Variants in MAP3K15 observed in about 807,000 individuals in gnomAD.
The protein encoded by MAP3K15 is mitogen-activated protein kinase kinase kinase 15, also known as MAPK/ERK kinase kinase 15.
In MAP3K15, 124 loss-of-function variants were observed where a neutral mutation model predicts 99.5. The observed-to-expected ratio is 1.25, with a 90% confidence interval of 1.08 to 1.45. The LOEUF is 1.45. MAP3K15 is among the 40% of genes most tolerant of loss of function. The pLI is 0.00. For synonymous variants in MAP3K15, 494 were observed against 439.6 expected (o/e 1.12, Z -1.55); for missense variants, 1,242 against 1,079.7 (o/e 1.15, Z -2.11).
chrX:19,512,148 T>TCA (rs1250944016), intron 1 of MAP3K15, among the ~76,000 whole-genome samples: 3 of 110,156 alleles, frequency 2.7e-5, no homozygotes, highest in East Asian at 2.9e-4. Flanking sequence ...GAGGGGAACA[T>TCA]CACACACACA....
chrX:19,417,495 AG>A (rs1400824148), intron 9 of MAP3K15, among the ~76,000 whole-genome samples: 1 of 111,199 alleles, frequency 9.0e-6, no homozygotes, highest in Non-Finnish European at 1.9e-5. Context: ...AGGCTGGGGG[AG>A]GGGCGCCCAC....
chrX:19,364,509 C>T (rs913173467), intron 25 of MAP3K15, among the ~76,000 whole-genome samples: 2 of 111,544 alleles, frequency 1.8e-5, no homozygotes, highest in East Asian at 2.8e-4. Context: ...TTCCCCAAAG[C>T]GGGGCACAGA....
intron 1 of MAP3K15, among the ~76,000 whole-genome samples, chrX:19,499,092 G>A (rs953370433): frequency 8.9e-6 from 1 of 111,759 alleles, no homozygotes; most frequent in African/African-American, 3.3e-5. Flanking sequence ...TAAGATGACA[G>A]ACAACCCAAT....
At chrX:19,426,818 C>CAAAAAAACAAAAAAAAAAA (rs1233194486) in intron 7 of MAP3K15, among the ~76,000 whole-genome samples, 1 of 21,149 alleles carries the variant, frequency 4.7e-5, no homozygotes, top group African/African-American at 2.1e-4. Flanking sequence ...AATCTGTCTC[C>CAAAAAAACAAAAAAAAAAA]AAAAAAAAAA....
chrX:19,444,370 A>G (rs192375945), intron 6 of MAP3K15, among the ~76,000 whole-genome samples: 237 of 111,639 alleles, frequency 2.1e-3, no homozygotes, highest in African/African-American at 7.1e-3. Context: ...GGGAGGGATC[A>G]CAGGAGAGTT....
chrX:19,407,197 T>C lies in MAP3K15; in HGVS notation c.1835A>G (p.Gln612Arg). Residue 612 changes from glutamine to arginine, a missense_variant, in exon 13 of 29, where the codon CAG (glutamine) becomes CGG (arginine). By Grantham distance (43) the Gln-to-Arg change is conservative. Coordinates refer to ENST00000338883, the MANE Select transcript of MAP3K15 (RefSeq NM_001001671.4). ...ATTGGCTGTAACTCACCTACTGCACTGCTCTTCGGTGGAAAAGTAGATTTG... is the reference window on the plus strand; with the variant it reads ...ATTGGCTGTAACTCACCTACTGCACCGCTCTTCGGTGGAAAAGTAGATTTG... ...DFQIYFSTEEQCSRFFSLVKE... is the reference protein window; with the variant it reads ...DFQIYFSTEERCSRFFSLVKE... 8.5e-7 allele frequency: 1 copy of C among 1,182,996 alleles called. No homozygotes were observed. Among genetic ancestry groups the C allele is most frequent in the Non-Finnish European group, 1.1e-6 (1 of 876,931 alleles).
At position 19,371,500 on chromosome X, in the gene MAP3K15, G is replaced by A. The variant is rs1289856239; in HGVS notation, c.3139C>T (p.His1047Tyr). Residue 1047 changes from histidine (H) to tyrosine (Y), a missense_variant, in exon 23 of 29, where the codon CAC (histidine) becomes TAC (tyrosine). By Grantham distance (83) the His-to-Tyr change is moderately conservative (BLOSUM62 2). Transcript: ENST00000338883. ...SSEELHLSVGHIKQIIGILRD... is the reference protein window; with the variant it reads ...SSEELHLSVGYIKQIIGILRD... ...AGGATCCCAATGATTTGCTTGATGT[G>A]TCCAACTGAGAGATGCAACTCTTCG... 1 of 1,203,201 alleles carries A rather than the reference G, an allele frequency of 8.3e-7. No individual in the cohort carries two copies. The highest frequency in any genetic ancestry group is 1.8e-5 in the African/African-American group (1 of 57,043).
rs373970587 is a variant in MAP3K15 at position 19,449,296 on chromosome X, A to G, written c.995+7617T>C. Among the ~76,000 whole-genome samples the G allele has an allele frequency of 2.7e-5, 3 of 110,178 alleles. No individual in the cohort carries two copies. The East Asian group carries it at 8.3e-4, about 30-fold the overall frequency. On this transcript the variant is annotated intron_variant, in intron 6 of 28. Transcript: ENST00000338883. ...CCGTGCAGTCATTTGCATATGGCAT[A>G]TCTTATTTAGGCATCACCATCCTGG...
rs1214662974 is a variant in MAP3K15, at chrX:19,490,184, CATACATACAA to C, written c.362-1227_362-1218del. 3.9e-3 allele frequency among the ~76,000 whole-genome samples: 407 copies of C among 103,597 alleles called. 5 individuals carry two copies. Among genetic ancestry groups the C allele is most frequent in the African/African-American group, 0.014 (388 of 27,585 alleles). The allele number at this position is 103,597 out of a possible 115,157, so 90.0% of individuals were successfully genotyped here. On this transcript the variant is annotated intron_variant, in intron 1 of 28. Transcript: ENST00000338883. Reference sequence around the variant, plus strand: ...ACACACACACACACACACACACACACATACATACAAAAATTCCTTAACAGTATATTGCTCA... The same window carrying C: ...ACACACACACACACACACACACACACAAATTCCTTAACAGTATATTGCTCA...
chrX:19,391,701 GAAAAAAAGA>G (rs1189294748), intron 18 of MAP3K15, among the ~76,000 whole-genome samples: 7 of 95,464 alleles, frequency 7.3e-5, no homozygotes, highest in Admixed American at 3.5e-4. Flanking sequence ...AAAAAAGAAA[GAAAAAAAGA>G]AAAAAAAGAA....
chrX:19,445,863 C>G (rs1413116281), intron 6 of MAP3K15, among the ~76,000 whole-genome samples: 1 of 109,571 alleles, frequency 9.1e-6, no homozygotes, highest in Non-Finnish European at 1.9e-5. Flanking sequence ...AGGAGAACTG[C>G]TCGAACCCGG....
At chrX:19,504,817 G>A (rs2064464416) in intron 1 of MAP3K15, among the ~76,000 whole-genome samples, 1 of 110,287 alleles carries the variant, frequency 9.1e-6, no homozygotes, top group Non-Finnish European at 1.9e-5. Flanking sequence ...CTAGCCAGAT[G>A]TGGTGGCATG....
At chrX:19,379,441 CTTTT>C (rs770431394) in intron 19 of MAP3K15, among the ~76,000 whole-genome samples, 4 of 62,347 alleles carry the variant, frequency 6.4e-5, no homozygotes, top group African/African-American at 1.9e-4. Context: ...AGTGTTTTTC[CTTTT>C]TTTTTTTTTT....
In MAP3K15 at chrX:19,360,700, A is replaced by G; in HGVS notation, c.*49T>C. The G allele has an allele frequency of 9.9e-7, 1 of 1,009,180 alleles. No homozygotes were observed. Among genetic ancestry groups the G allele is most frequent in the Non-Finnish European group, 1.4e-6 (1 of 718,573 alleles). The allele number at this position is 1,009,180 out of a possible 1,213,427, so 83.2% of individuals were successfully genotyped here. A position where few individuals can be genotyped will look rare whatever the true frequency, so the allele number is the denominator to read the frequency against. ...TGTATACACTAACAGAAGCTTTAAC[A>G]AAACATGTAGCGTGGTGGGACACTC... On this transcript the variant is annotated 3_prime_UTR_variant, in exon 29 of 29. Coordinates refer to ENST00000338883, the MANE Select transcript of MAP3K15 (RefSeq NM_001001671.4).
chrX:19,507,979 T>C (rs1020795557), intron 1 of MAP3K15, among the ~76,000 whole-genome samples: 11 of 111,965 alleles, frequency 9.8e-5, no homozygotes, highest in Non-Finnish European at 1.9e-4. Flanking sequence ...GCAATTCTCC[T>C]GGCTCAGCCT....
chrX:19,360,781 G>T lies in MAP3K15; in HGVS notation c.3910C>A (p.Gln1304Lys). The change falls in exon 29 of 29, where the codon CAG becomes AAG. Residue 1304 changes from glutamine to lysine, a missense_variant. By Grantham distance (53) the Gln-to-Lys change is moderately conservative. Transcript: ENST00000338883. ...WSAVSQYRRA[Q>K]EASETKDKA ...TTGTCTTTGGTTTCTGAGGCCTCCT[G>T]AGCCCTTCTGTACTGGGAGACCGCA... is the stretch of plus-strand genomic sequence containing the variant. 3 of 1,209,810 alleles carry T rather than the reference G, an allele frequency of 2.5e-6. No homozygotes were observed. The highest frequency in any genetic ancestry group is 3.4e-6 in the Non-Finnish European group (3 of 894,612).
intron 1 of MAP3K15, chrX:19,497,857 G>C (rs772443122): frequency 9.9e-5 from 11 of 111,146 alleles, no homozygotes; most frequent in Admixed American, 3.9e-4. Context: ...GCACAAGTTT[G>C]CGTTCCTCTG....
At position 19,398,103 on chromosome X, in the gene MAP3K15, G is replaced by C; in HGVS notation, c.2066+123C>G. On this transcript the variant is annotated intron_variant, in intron 15 of 28. Transcript: ENST00000338883. Reference sequence around the variant, plus strand: ...AAAAAAGATCACCCCTATTACAAGAGAATGACAGGTTTTGTGGTAACACAA... The same window carrying C: ...AAAAAAGATCACCCCTATTACAAGACAATGACAGGTTTTGTGGTAACACAA... 7 of 663,977 alleles carry C rather than the reference G, an allele frequency of 1.1e-5. No individual in the cohort carries two copies. The South Asian group carries it at 2.2e-4, about 21-fold the overall frequency. 54.7% of individuals were successfully genotyped at this position (663,977 alleles called of 1,213,427 possible).
intron 16 of MAP3K15, among the ~76,000 whole-genome samples, chrX:19,393,667 G>A (rs1284410310): frequency 3.7e-5 from 4 of 107,437 alleles, no homozygotes; most frequent in African/African-American, 1.4e-4. Flanking sequence ...AGCAATGGAC[G>A]AGTTTTCTGA....
Sources: gnomAD v4.1 joint callset for allele counts (sites outside exome capture counted in the v4.1 genomes callset) on GRCh38, gnomAD v4.1.1 for gene constraint, MANE v1.5 for transcripts, NCBI Gene and HGNC (gene_info 2026-07-23, HGNC 2026-07-21) for gene names.